SH3RF1: variants seen among roughly 807,000 people sequenced by gnomAD.
SH3RF1 encodes E3 ubiquitin-protein ligase SH3RF1.
Under a neutral mutation model 74.0 loss-of-function variants are expected in SH3RF1, and 32 were observed. The ratio of observed to expected loss-of-function variants is 0.43; its 90% confidence interval spans 0.33 to 0.58. SH3RF1 has a LOEUF of 0.58. Among genes scored for constraint, SH3RF1 ranks in the 20% least tolerant of loss-of-function variants. The probability of loss-of-function intolerance (pLI) is 0.05; values close to 1 mark genes in which losing one functional copy is unlikely to be tolerated. For synonymous variants in SH3RF1, 396 were observed against 439.6 expected, an observed-to-expected ratio of 0.90 and a Z score of 1.24; for missense variants, 954 against 1,130.9, an observed-to-expected ratio of 0.84 and a Z score of 2.24.
intron 2 of SH3RF1, among the ~76,000 whole-genome samples, chr4:169,266,753 C>T (rs1731363172): frequency 6.6e-6 from 1 of 152,090 alleles, no homozygotes; most frequent in South Asian, 2.1e-4. Context: ...ATGCAAGTAG[C>T]TAGGGGCTAG....
At chr4:169,128,630 A>T (rs547677390) in intron 6 of SH3RF1, among the ~76,000 whole-genome samples, 55 of 152,356 alleles carry the variant, frequency 3.6e-4, no homozygotes, top group African/African-American at 1.3e-3. Context: ...GACAAAATAA[A>T]TAACAAATAG....
At chr4:169,134,252 C>G (rs1311586165) in intron 5 of SH3RF1, among the ~76,000 whole-genome samples, 1 of 152,166 alleles carries the variant, frequency 6.6e-6, no homozygotes, top group Non-Finnish European at 1.5e-5. Context: ...TTTAATGGAA[C>G]ACAGAAAGAG....
At position 169,096,412 on chromosome 4, in the gene SH3RF1, C is replaced by T; in HGVS notation, c.*107G>A. 1.7e-6 allele frequency: 2 copies of T among 1,211,504 alleles called. No homozygotes were observed. Among genetic ancestry groups the T allele is most frequent in the Admixed American group, 2.2e-5 (1 of 46,324 alleles). The allele number at this position is 1,211,504 out of a possible 1,614,324, so 75.0% of individuals were successfully genotyped here. A position where few individuals can be genotyped will look rare whatever the true frequency, so the allele number is the denominator to read the frequency against. On this transcript the variant is annotated 3_prime_UTR_variant, in exon 12 of 12. Transcript: ENST00000284637. ...ATCAGAGTCACATACCAATCCTTTG[C>T]TCATCTCCTGACCATCTGGAAGTCC...
intron 2 of SH3RF1, among the ~76,000 whole-genome samples, chr4:169,234,137 C>A (rs925079047): frequency 6.6e-6 from 1 of 152,124 alleles, no homozygotes; most frequent in Non-Finnish European, 1.5e-5. Flanking sequence ...TGGATCTCCA[C>A]TGGGGGCAAT....
At chr4:169,214,031 T>C (rs1730420093) in intron 2 of SH3RF1, among the ~76,000 whole-genome samples, 1 of 152,182 alleles carries the variant, frequency 6.6e-6, no homozygotes, top group African/African-American at 2.4e-5. Flanking sequence ...CAGAATCAGT[T>C]TGTCAATATA....
At chr4:169,126,613 A>ACAG (rs747767546) in intron 6 of SH3RF1, among the ~76,000 whole-genome samples, 5 of 152,094 alleles carry the variant, frequency 3.3e-5, no homozygotes, top group Non-Finnish European at 4.4e-5. Context: ...TTTTTTAGGA[A>ACAG]CAGCATCTAG....
chr4:169,251,468 T>G (rs1731104665), intron 2 of SH3RF1, among the ~76,000 whole-genome samples: 1 of 152,130 alleles, frequency 6.6e-6, no homozygotes, highest in African/African-American at 2.4e-5. Flanking sequence ...TAAATGAAAG[T>G]CATGTAAGAC....
At chr4:169,121,397 C>T (rs2126946150) in intron 7 of SH3RF1, among the ~76,000 whole-genome samples, 1 of 152,296 alleles carries the variant, frequency 6.6e-6, no homozygotes, top group East Asian at 1.9e-4. Context: ...TGAAATCCCA[C>T]TGGGAAGCAC....
rs1401303806 is a variant in SH3RF1 at position 169,095,842 on chromosome 4, G to A, written c.*677C>T. ...TTAAATTGAGGACTAGGTCTTCAGG[G>A]TGATTCCTACCAAACTAGAAAGAGA... On this transcript the variant is annotated 3_prime_UTR_variant, in exon 12 of 12. Transcript: ENST00000284637. 10 of 152,184 alleles carry A rather than the reference G, an allele frequency of 6.6e-5. No individual in the cohort carries two copies. The highest frequency in any genetic ancestry group is 6.5e-4 in the Admixed American group (10 of 15,282). 9.4% of individuals were successfully genotyped at this position (152,184 alleles called of 1,614,324 possible).
At chr4:169,151,572 G>C (rs569730644) in intron 4 of SH3RF1, among the ~76,000 whole-genome samples, 14 of 152,272 alleles carry the variant, frequency 9.2e-5, no homozygotes, top group African/African-American at 3.4e-4. Context: ...TAGATGAGGT[G>C]AGAGAAAGTC....
chr4:169,133,611 C>T (rs1389040658), intron 5 of SH3RF1, among the ~76,000 whole-genome samples: 1 of 151,632 alleles, frequency 6.6e-6, no homozygotes, highest in Non-Finnish European at 1.5e-5. Flanking sequence ...AACCCCATCT[C>T]TACTAAAAAT....
At position 169,142,328 on chromosome 4, in the gene SH3RF1, TATTAA is replaced by T. The variant is rs1308954634; in HGVS notation, c.766-5713_766-5709del. 5.3e-5 allele frequency among the ~76,000 whole-genome samples: 8 copies of T among 152,366 alleles called. No individual in the cohort carries two copies. In the South Asian group the frequency reaches 1.4e-3, roughly 28 times the overall value. On this transcript the variant is annotated intron_variant, in intron 4 of 11. Transcript: ENST00000284637. ...ATATATGTGTGTATATATTTATGTC[TATTAA>T]ATTAAAAATAATGTTCTAATTTGTT...
chr4:169,218,380 AAT>A (rs1162299572), intron 2 of SH3RF1, among the ~76,000 whole-genome samples: 9 of 141,604 alleles, frequency 6.4e-5, no homozygotes, highest in Non-Finnish European at 9.1e-5. Context: ...TAGAATATAG[AAT>A]ATATATATTA....
At chr4:169,167,095 A>T (rs1166539143) in intron 2 of SH3RF1, 2 of 170,948 alleles carry the variant, frequency 1.2e-5, no homozygotes, top group Non-Finnish European at 2.5e-5. Flanking sequence ...AATAAAATTT[A>T]ACCTCACAAA....
intron 2 of SH3RF1, among the ~76,000 whole-genome samples, chr4:169,218,083 T>C (rs1304225965): frequency 4.0e-5 from 6 of 150,924 alleles, no homozygotes; most frequent in East Asian, 1.9e-4. Flanking sequence ...AGAACTGAGT[T>C]TGATATAGTC....
intron 9 of SH3RF1, among the ~76,000 whole-genome samples, chr4:169,117,052 G>A (rs1733346939): frequency 6.6e-6 from 1 of 152,032 alleles, no homozygotes; most frequent in South Asian, 2.1e-4. Context: ...CAAGCCTTTA[G>A]TTTACCCCTC....
At chr4:169,211,084 A>C (rs1730353221) in intron 2 of SH3RF1, among the ~76,000 whole-genome samples, 1 of 152,226 alleles carries the variant, frequency 6.6e-6, no homozygotes, top group South Asian at 2.1e-4. Context: ...ATAAGGACAA[A>C]AGACAAAACA....
At chr4:169,220,703 CTA>C (rs1730551872) in intron 2 of SH3RF1, among the ~76,000 whole-genome samples, 1 of 152,210 alleles carries the variant, frequency 6.6e-6, no homozygotes, top group African/African-American at 2.4e-5. Context: ...CCCGCAAACT[CTA>C]TAGTTACCAC....
At chr4:169,251,423 A>C (rs1731103853) in intron 2 of SH3RF1, among the ~76,000 whole-genome samples, 1 of 152,206 alleles carries the variant, frequency 6.6e-6, no homozygotes, top group African/African-American at 2.4e-5. Flanking sequence ...TCGTGCACAA[A>C]ACAAGATGAC....
Sources: gnomAD v4.1 joint callset for allele counts (sites outside exome capture counted in the v4.1 genomes callset) on GRCh38, gnomAD v4.1.1 for gene constraint, MANE v1.5 for transcripts, NCBI Gene and HGNC (gene_info 2026-07-23, HGNC 2026-07-21) for gene names.